Variants in KRT71 observed in about 807,000 individuals in gnomAD.
KRT71 encodes the protein keratin 71.
A neutral mutation model predicts 46.2 loss-of-function variants in KRT71; 42 were observed. The observed-to-expected ratio is 0.91, with a 90% CI of 0.71 to 1.18. The LOEUF (loss-of-function observed/expected upper bound fraction) is 1.18. Ranked by LOEUF, KRT71 falls within the 50% of genes most tolerant of loss-of-function variation. The probability of loss-of-function intolerance (pLI) is 0.00; values close to 1 mark genes in which losing one functional copy is unlikely to be tolerated. For missense variants in KRT71, 708 were observed against 677.9 expected (o/e 1.04, Z -0.49); for synonymous variants, 292 against 277.8 (o/e 1.05, Z -0.51).
chr12:52,549,662 A>G (rs541755948), intron 2 of KRT71, among the ~76,000 whole-genome samples: 11 of 152,354 alleles, frequency 7.2e-5, no homozygotes, highest in African/African-American at 2.6e-4. Context: ...AGCTTTACAA[A>G]TGACAAAGCG....
Position 52,544,388 on chromosome 12 carries a change from G to A in KRT71, c.*144C>T, listed in dbSNP as rs931159272. On this transcript the variant is annotated 3_prime_UTR_variant, in exon 9 of 9. Coordinates refer to ENST00000267119, the MANE Select transcript of KRT71 (RefSeq NM_033448.3). ...CCAGGATCAGGAAGACACAGGCTGGGAGAAGTGGGTGGCCAAGGCCAGTGC... is the reference window on the plus strand; with the variant it reads ...CCAGGATCAGGAAGACACAGGCTGGAAGAAGTGGGTGGCCAAGGCCAGTGC... 9.0e-6 allele frequency: 7 copies of A among 775,706 alleles called. No individual in the cohort carries two copies. Among genetic ancestry groups the A allele is most frequent in the Non-Finnish European group, 1.6e-5 (7 of 447,212 alleles). The allele number at this position is 775,706 out of a possible 1,614,324, so 48.1% of individuals were successfully genotyped here.
intron 6 of KRT71, among the ~76,000 whole-genome samples, chr12:52,547,587 G>A (rs1216751131): frequency 1.3e-5 from 2 of 152,192 alleles, no homozygotes; most frequent in Non-Finnish European, 2.9e-5. Context: ...GGAAGCACAG[G>A]TGCCAGGAGG....
At position 52,548,923 on chromosome 12, in the gene KRT71, G is replaced by A. The variant is rs1475305656; in HGVS notation, c.718-127C>T. 2.3e-5 allele frequency: 19 copies of A among 830,148 alleles called. No individual in the cohort carries two copies. The South Asian group carries it at 3.0e-4, about 13-fold the overall frequency. 51.4% of individuals were successfully genotyped at this position (830,148 alleles called of 1,614,324 possible). On this transcript the variant is annotated intron_variant, in intron 3 of 8. Coordinates refer to ENST00000267119, the MANE Select transcript of KRT71 (RefSeq NM_033448.3). The stretch of plus-strand genomic sequence containing the variant: ...CTCTTCACTTTGCCTTGGGAAAGGA[G>A]ACAAAGGAGCAAAGGCCCAGCCCTA...
At position 52,552,953 on chromosome 12, in the gene KRT71, C is replaced by G; in HGVS notation, c.125G>C (p.Gly42Ala). Residue 42 changes from glycine to alanine, a missense_variant, in exon 1 of 9, where the codon GGC (glycine) becomes GCC (alanine). Physicochemically the swap from Gly to Ala is moderately conservative, Grantham distance 60. Coordinates refer to ENST00000267119, the MANE Select transcript of KRT71 (RefSeq NM_033448.3). ...FRAGSKGLSG[G>A]FGSRSLYSLG... ...GCTGTAGAGGCTCCGGCTGCCAAAG[C>G]CCCCACTGAGCCCTTTGCTCCCTGC... 1 of 1,614,158 alleles carries G rather than the reference C, an allele frequency of 6.2e-7. No homozygotes were observed. The highest frequency in any genetic ancestry group is 8.5e-7 in the Non-Finnish European group (1 of 1,180,046).
chr12:52,544,721 G>A lies in KRT71; in HGVS notation c.1383C>T (p.Gly461=), dbSNP rs757313940. The change falls in exon 9 of 9, where the codon GGC becomes GGT. Residue 461 remains glycine, a synonymous_variant. Transcript: ENST00000267119. ...VSISIISSTS[G]GSVYGFRPSM... ...TGGGCCGGAAGCCATAGACACTGCC[G>A]CCACTGGTGCTGCTGATGATGGCTG... 1.2e-5 allele frequency: 19 copies of A among 1,612,030 alleles called. No homozygotes were observed. Among genetic ancestry groups the A allele is most frequent in the South Asian group, 2.2e-5 (2 of 91,040 alleles).
Position 52,546,347 on chromosome 12 carries a change from TC to T in KRT71, c.1263del (p.Lys422SerfsTer69), listed in dbSNP as rs753652871. 1.2e-6 allele frequency: 2 copies of T among 1,614,076 alleles called. No individual in the cohort carries two copies. The highest frequency in any genetic ancestry group is 2.7e-5 in the African/African-American group (2 of 74,942). On this transcript the variant is annotated frameshift_variant, in exon 7 of 9. Transcript: ENST00000267119. LOFTEE classifies it high-confidence loss of function. ...MLREYQELMSLKLALDMEIAT... is the reference protein window; with the variant it reads ...MLREYQELMSXKLALDMEIAT... ...GCGATCTCCATGTCCAGGGCCAGCT[TC>T]AGGCTCATGAGCTCCTGGTACTCGC...
In KRT71 at chr12:52,552,847, A is replaced by C. The variant is rs759792342; in HGVS notation, c.231T>G (p.Ser77Arg). 6.2e-7 allele frequency: 1 copy of C among 1,614,224 alleles called. No homozygotes were observed. The highest frequency in any genetic ancestry group is 1.7e-5 in the Admixed American group (1 of 60,034). Residue 77 changes from serine (S) to arginine (R), a missense_variant, in exon 1 of 9, where the codon AGT becomes AGG. Coordinates refer to ENST00000267119, the MANE Select transcript of KRT71 (RefSeq NM_033448.3). ...TGCCAAACATGCTTCCAGCAAAGCCACTGGCCCGGCCCCGGCCAAATCCAT... is the reference window on the plus strand; with the variant it reads ...TGCCAAACATGCTTCCAGCAAAGCCCCTGGCCCGGCCCCGGCCAAATCCAT... ...GGYGFGRGRASGFAGSMFGSV... is the reference protein window; with the variant it reads ...GGYGFGRGRARGFAGSMFGSV...
chr12:52,547,686 G>A (rs188039455), intron 6 of KRT71, among the ~76,000 whole-genome samples, 171 bp downstream of exon 6: 51 of 152,322 alleles, frequency 3.3e-4, no homozygotes, highest in Non-Finnish European at 6.8e-4. Flanking sequence ...GTGAGTCAGA[G>A]ATGAGTAGCC....
At chr12:52,544,934 A>G (rs747433620) in intron 8 of KRT71, among the ~76,000 whole-genome samples, 191 bp from the exon 9 acceptor site, 25 of 152,068 alleles carry the variant, frequency 1.6e-4, no homozygotes, top group Non-Finnish European at 3.2e-4. Flanking sequence ...CTTATATCCA[A>G]TCTGGCTGAG....
Position 52,547,993 on chromosome 12 carries a change from CA to C in KRT71, c.979-12del, listed in dbSNP as rs746036886. 2.5e-6 allele frequency: 4 copies of C among 1,584,842 alleles called. No individual in the cohort carries two copies. In the Admixed American group the frequency reaches 5.3e-5, roughly 21 times the overall value. Reference sequence around the variant, plus strand: ...CTGAAGCTCTTGGAACTGGGGACCCCAAAGCACAGAGTCATGAGTGTGTCGT... The same window carrying C: ...CTGAAGCTCTTGGAACTGGGGACCCCAAGCACAGAGTCATGAGTGTGTCGT... On this transcript the variant is annotated splice_polypyrimidine_tract_variant and intron_variant, in intron 5 of 8. Transcript: ENST00000267119.
Position 52,553,085 on chromosome 12 carries a change from G to T in KRT71, c.-8C>A, listed in dbSNP as rs1176575749. The T allele has an allele frequency of 6.4e-7, 1 of 1,566,540 alleles. No homozygotes were observed. Among genetic ancestry groups the T allele is most frequent in the Non-Finnish European group, 8.6e-7 (1 of 1,156,570 alleles). ...GGTGAATTGGCGGCTCATGTTGCTGGTGGAGACAAAGCTCAGATGCAGGAG... is the reference window on the plus strand; with the variant it reads ...GGTGAATTGGCGGCTCATGTTGCTGTTGGAGACAAAGCTCAGATGCAGGAG... On this transcript the variant is annotated 5_prime_UTR_variant, in exon 1 of 9. Coordinates refer to ENST00000267119, the MANE Select transcript of KRT71 (RefSeq NM_033448.3).
At chr12:52,548,491 G>A (rs1418921419) in intron 4 of KRT71, among the ~76,000 whole-genome samples, 175 bp from the exon 5 acceptor site, 1 of 152,230 alleles carries the variant, frequency 6.6e-6, no homozygotes, top group Admixed American at 6.5e-5. Flanking sequence ...GGCCCAGAGA[G>A]ATTCCCACTG....
chr12:52,547,147 A>G (rs1417175910), intron 6 of KRT71, among the ~76,000 whole-genome samples: 1 of 152,220 alleles, frequency 6.6e-6, no homozygotes, highest in Non-Finnish European at 1.5e-5. Context: ...CTTGGTTCAG[A>G]TCACAGCTCT....
Position 52,547,718 on chromosome 12 carries a change from G to A in KRT71, c.1104+139C>T, listed in dbSNP as rs372108386. 3.0e-3 allele frequency: 3,042 copies of A among 1,027,196 alleles called. 82 individuals carry two copies. In the South Asian group the frequency reaches 0.043, roughly 15 times the overall value. 63.6% of individuals were successfully genotyped at this position (1,027,196 alleles called of 1,614,324 possible). A position where few individuals can be genotyped will look rare whatever the true frequency, so the allele number is the denominator to read the frequency against. ...AGCCCCCAGGGACGTCCTGCTCCAGGTGTTTGAGGCAGCGACCTCACTGGC... is the reference window on the plus strand; with the variant it reads ...AGCCCCCAGGGACGTCCTGCTCCAGATGTTTGAGGCAGCGACCTCACTGGC... On this transcript the variant is annotated intron_variant, in intron 6 of 8. Coordinates refer to ENST00000267119, the MANE Select transcript of KRT71 (RefSeq NM_033448.3).
chr12:52,548,605 A>T, intron 4 of KRT71, 96 bp downstream of exon 4: 1 of 1,106,016 alleles, frequency 9.0e-7, no homozygotes. Flanking sequence ...GAGGGGTCTC[A>T]CTGAGGGCTG....
rs148505146 is a variant in KRT71 at position 52,552,905 on chromosome 12, T to C, written c.173A>G (p.Asn58Ser). Reference sequence around the variant, plus strand: ...ACTCTTCCCGCTGCCACTGGCCACATTGAGGCTCCGGACACCCCCCAGGCT... The same window carrying C: ...ACTCTTCCCGCTGCCACTGGCCACACTGAGGCTCCGGACACCCCCCAGGCT... ...LYSLGGVRSL[N>S]VASGSGKSGG... Residue 58 changes from asparagine (N) to serine (S), a missense_variant, in exon 1 of 9, where the codon AAT (asparagine) becomes AGT (serine). Transcript: ENST00000267119. 8.6e-5 allele frequency: 139 copies of C among 1,614,138 alleles called. 1 individual carries two copies. The highest frequency in any genetic ancestry group is 6.0e-4 in the African/African-American group (45 of 75,056).
intron 7 of KRT71, 73 bp from the exon 8 acceptor site, chr12:52,545,672 C>T: frequency 1.0e-6 from 1 of 954,900 alleles, no homozygotes; most frequent in South Asian, 1.6e-5. Context: ...CTACTGCCAC[C>T]ATCAGCCTTA....
intron 7 of KRT71, 42 bp from the exon 8 acceptor site, chr12:52,545,641 TC>T: frequency 7.9e-7 from 1 of 1,271,104 alleles, no homozygotes; most frequent in Non-Finnish European, 1.1e-6. Flanking sequence ...AGAGAAGTCA[TC>T]CAGCTCAGTC....
At chr12:52,547,677 T>C (rs544767472) in intron 6 of KRT71, among the ~76,000 whole-genome samples, 180 bp downstream of exon 6, 2 of 152,048 alleles carry the variant, frequency 1.3e-5, no homozygotes, top group Non-Finnish European at 2.9e-5. Context: ...GTCCTTGGAG[T>C]GAGTCAGAGA....
Sources: allele counts gnomAD v4.1 joint callset (sites outside exome capture counted in the v4.1 genomes callset), GRCh38; gene constraint gnomAD v4.1.1; transcripts MANE v1.5; gene names NCBI Gene and HGNC (gene_info 2026-07-23, HGNC 2026-07-21).